ASB15: variants seen among roughly 807,000 people sequenced by gnomAD.
The protein encoded by ASB15 is ankyrin repeat and SOCS box containing 15, also known as ankyrin repeat and SOCS box protein 15.
In ASB15, 54 loss-of-function variants were observed where a neutral mutation model predicts 58.0. The observed-to-expected ratio is 0.93, with a 90% CI of 0.75 to 1.17. The LOEUF is 1.17. Among genes scored for constraint, ASB15 ranks in the 50% most tolerant of loss-of-function variants. The pLI is 0.00. For missense variants in ASB15, 680 were observed against 707.4 expected (o/e 0.96, Z 0.44); for synonymous variants, 249 against 262.4 (o/e 0.95, Z 0.50).
At chr7:123,599,410 T>C (rs1799801836), upstream of ASB15, among the ~76,000 whole-genome samples, 1 of 152,220 alleles carries the variant, frequency 6.6e-6, no homozygotes, top group South Asian at 2.1e-4. Context: ...CAGAAAGGAC[T>C]TAATAAGTGG....
intron 3 of ASB15, among the ~76,000 whole-genome samples, chr7:123,612,039 T>G (rs1297984078): frequency 6.6e-6 from 1 of 152,112 alleles, no homozygotes; most frequent in Admixed American, 6.5e-5. Flanking sequence ...CTGTGCTCTC[T>G]CATACACTGA....
chr7:123,634,052 TTTTAAG>T (rs910225146), intron 11 of ASB15, among the ~76,000 whole-genome samples: 41 of 152,284 alleles, frequency 2.7e-4, no homozygotes, highest in African/African-American at 4.3e-4. Context: ...TCAACTTGTA[TTTTAAG>T]TTTAAGTGTA....
At chr7:123,589,076 T>C (rs1012973664) in intron 1 of ASB15, among the ~76,000 whole-genome samples, 39 of 151,816 alleles carry the variant, frequency 2.6e-4, no homozygotes, top group Admixed American at 2.2e-3. Flanking sequence ...TCATTTAGTC[T>C]AAAGTTCAAT....
chr7:123,570,371 T>C (rs967221823), intron 1 of ASB15, among the ~76,000 whole-genome samples: 10 of 152,164 alleles, frequency 6.6e-5, no homozygotes, highest in African/African-American at 2.4e-4. Flanking sequence ...AGGTAGCACT[T>C]ACTTTTTGAC....
intron 1 of ASB15, among the ~76,000 whole-genome samples, chr7:123,572,752 TTAAG>T (rs1187470167): frequency 1.6e-4 from 24 of 152,196 alleles, no homozygotes; most frequent in African/African-American, 5.5e-4. Flanking sequence ...TGTGTGTACT[TTAAG>T]TAGTATATAT....
chr7:123,633,899 A>G (rs1802272569), intron 11 of ASB15, among the ~76,000 whole-genome samples: 1 of 152,210 alleles, frequency 6.6e-6, no homozygotes, highest in Admixed American at 6.5e-5. Flanking sequence ...ATTCATGACA[A>G]AAGAATTCAG....
intron 3 of ASB15, among the ~76,000 whole-genome samples, chr7:123,613,115 A>G (rs1225818293): frequency 6.6e-6 from 1 of 152,048 alleles, no homozygotes; most frequent in African/African-American, 2.4e-5. Context: ...GGCCACTGAT[A>G]TAGAACAATG....
At chr7:123,621,170 T>C (rs1801297040) in intron 7 of ASB15, among the ~76,000 whole-genome samples, 1 of 152,212 alleles carries the variant, frequency 6.6e-6, no homozygotes, top group Admixed American at 6.5e-5. Flanking sequence ...AGTTCCATGT[T>C]GGTTTCATTC....
chr7:123,570,178 G>A (rs991547401), intron 1 of ASB15, among the ~76,000 whole-genome samples: 2 of 151,806 alleles, frequency 1.3e-5, no homozygotes, highest in African/African-American at 4.8e-5. Context: ...GGGACCACAG[G>A]CGCCCGCCAC....
chr7:123,616,263 C>A lies in ASB15; in HGVS notation c.150C>A (p.Ala50=). The change falls in exon 5 of 12, where the codon GCC becomes GCA. Residue 50 remains alanine, a synonymous_variant. Coordinates refer to ENST00000451215, the MANE Select transcript of ASB15 (RefSeq NM_001290258.2). ...CTCAAAACAGAAAACTTGTGGAGGC[C>A]ATAAAACAAGGTAAATGGGTGTACT... The part of the protein sequence containing the change: ...LSAQNRKLVE[A]IKQGHIPELQ... 2 of 1,610,318 alleles carry A rather than the reference C, an allele frequency of 1.2e-6. No homozygotes were observed. Among genetic ancestry groups the A allele is most frequent in the Non-Finnish European group, 1.7e-6 (2 of 1,176,876 alleles).
At chr7:123,607,920 T>A (rs1038120345) in intron 2 of ASB15, among the ~76,000 whole-genome samples, 3 of 152,228 alleles carry the variant, frequency 2.0e-5, no homozygotes, top group Non-Finnish European at 4.4e-5. Flanking sequence ...CTCTTTGCTA[T>A]TCTGTAAGTT....
upstream of ASB15, among the ~76,000 whole-genome samples, chr7:123,600,879 G>T (rs1226501580): frequency 6.6e-6 from 1 of 152,146 alleles, no homozygotes. Flanking sequence ...AAACAAAAGC[G>T]TGTAGTGCTC....
At chr7:123,625,225 G>T (rs1184850949) in intron 8 of ASB15, among the ~76,000 whole-genome samples, 1 of 152,140 alleles carries the variant, frequency 6.6e-6, no homozygotes, top group Admixed American at 6.5e-5. Context: ...AATCCAATCA[G>T]TTGCAAATTC....
chr7:123,628,145 G>A (rs1277505498), intron 9 of ASB15, among the ~76,000 whole-genome samples: 1 of 152,152 alleles, frequency 6.6e-6, no homozygotes, highest in African/African-American at 2.4e-5. Context: ...CATAAACTGT[G>A]GCTGGTTATC....
chr7:123,618,754 A>T lies in ASB15; in HGVS notation c.451+1017A>T, dbSNP rs527344887. Reference sequence around the variant, plus strand: ...TCACAGAGGAATCACTTAAAAAAAAATTTTAAACAACCTTAATATTAAGAA... The same window carrying T: ...TCACAGAGGAATCACTTAAAAAAAATTTTTAAACAACCTTAATATTAAGAA... On this transcript the variant is annotated intron_variant, in intron 7 of 11. Transcript: ENST00000451215. Among the ~76,000 whole-genome samples the T allele has an allele frequency of 6.9e-3, 1,048 of 152,304 alleles. 14 individuals carry two copies. The highest frequency in any genetic ancestry group is 0.024 in the African/African-American group (1,004 of 41,568).
chr7:123,592,266 T>A (rs1799561023), intron 1 of ASB15, among the ~76,000 whole-genome samples: 1 of 152,164 alleles, frequency 6.6e-6, no homozygotes, highest in Non-Finnish European at 1.5e-5. Flanking sequence ...ATTCATTGAT[T>A]TTTTGTGTCT....
chr7:123,622,579 G>A (rs1801399924), intron 7 of ASB15, among the ~76,000 whole-genome samples: 1 of 152,148 alleles, frequency 6.6e-6, no homozygotes. Context: ...TTTTCATGAA[G>A]AGAAACTATT....
intron 8 of ASB15, 48 bp downstream of exon 8, chr7:123,624,862 A>G: frequency 6.4e-7 from 1 of 1,561,536 alleles, no homozygotes. Flanking sequence ...TGCCTCTCGA[A>G]CTCTCCTTTT....
At chr7:123,595,041 G>C (rs1026372927) in intron 1 of ASB15, among the ~76,000 whole-genome samples, 4 of 152,342 alleles carry the variant, frequency 2.6e-5, no homozygotes, top group African/African-American at 7.2e-5. Context: ...CCAAGCTCCA[G>C]CATCCCAGGT....
Sources: allele counts gnomAD v4.1 joint callset (sites outside exome capture counted in the v4.1 genomes callset), GRCh38; gene constraint gnomAD v4.1.1; transcripts MANE v1.5; gene names NCBI Gene and HGNC (gene_info 2026-07-23, HGNC 2026-07-21).